The following TWSG1 variants were observed in gnomAD, a reference collection of about 807,000 sequenced individuals.
TWSG1 encodes twisted gastrulation protein homolog 1.
A neutral mutation model predicts 23.0 loss-of-function variants in TWSG1; 15 were observed. The observed-to-expected ratio is 0.65, with a 90% CI of 0.44 to 1.00. The LOEUF (loss-of-function observed/expected upper bound fraction) is 1.00. Among genes scored for constraint, TWSG1 ranks in the 50% least tolerant of loss-of-function variants. The probability of loss-of-function intolerance (pLI) is 0.00; values close to 1 mark genes in which losing one functional copy is unlikely to be tolerated. For missense variants in TWSG1, 242 were observed against 278.7 expected (o/e 0.87, Z 0.94); for synonymous variants, 86 against 92.8 (o/e 0.93, Z 0.42).
At position 9,396,289 on chromosome 18, in the gene TWSG1, A is replaced by G; in HGVS notation, c.233A>G (p.Asn78Ser). The G allele has an allele frequency of 6.2e-7, 1 of 1,614,090 alleles. No homozygotes were observed. Among genetic ancestry groups the G allele is most frequent in the Non-Finnish European group, 8.5e-7 (1 of 1,180,006 alleles). The change falls in exon 4 of 5, where the codon AAT becomes AGT. Residue 78 changes from asparagine (N) to serine (S), a missense_variant. Physicochemically the swap from Asn to Ser is conservative, Grantham distance 46. Transcript: ENST00000262120. Reference sequence around the variant, plus strand: ...ATTACCCCCAACCCAGGTATGTGTAATCCTCGAAATTATAGTGACACACCT... The same window carrying G: ...ATTACCCCCAACCCAGGTATGTGTAGTCCTCGAAATTATAGTGACACACCT... ...DECCDCVGMC[N>S]PRNYSDTPPT...
intron 3 of TWSG1, among the ~76,000 whole-genome samples, chr18:9,394,755 C>G (rs2040727087): frequency 6.6e-6 from 1 of 152,088 alleles, no homozygotes; most frequent in Non-Finnish European, 1.5e-5. Context: ...TCCCTACAGA[C>G]ACACACACAT....
chr18:9,359,880 A>T (rs2040544260), intron 2 of TWSG1, 92 bp from the exon 3 acceptor site: 5 of 883,812 alleles, frequency 5.7e-6, no homozygotes, highest in Non-Finnish European at 8.9e-6. Context: ...CATTACTGTA[A>T]ATGCAAATAT....
At chr18:9,372,089 A>G (rs2040608401) in intron 3 of TWSG1, among the ~76,000 whole-genome samples, 1 of 151,972 alleles carries the variant, frequency 6.6e-6, no homozygotes, top group South Asian at 2.1e-4. Context: ...TAATTGATCT[A>G]ACAGATGACA....
Position 9,370,697 on chromosome 18 carries a change from C to G in TWSG1, c.223+10626C>G, listed in dbSNP as rs773883840. ...AATTTATCCATTGGGTCAAATAGCACAGGACCTAATTCCAAAATTAACTCC... is the reference window on the plus strand; with the variant it reads ...AATTTATCCATTGGGTCAAATAGCAGAGGACCTAATTCCAAAATTAACTCC... On this transcript the variant is annotated intron_variant, in intron 3 of 4. Transcript: ENST00000262120. Among the ~76,000 whole-genome samples the G allele has an allele frequency of 1.6e-4, 24 of 152,298 alleles. No homozygotes were observed. In the Middle Eastern group the frequency reaches 0.01, roughly 65 times the overall value.
intron 3 of TWSG1, among the ~76,000 whole-genome samples, chr18:9,363,925 G>C (rs2040564926): frequency 6.6e-6 from 1 of 152,154 alleles, no homozygotes; most frequent in African/African-American, 2.4e-5. Flanking sequence ...ACCGCACCCG[G>C]CCATTTAACA....
intron 3 of TWSG1, among the ~76,000 whole-genome samples, chr18:9,384,009 TAA>T (rs1333381731): frequency 4.3e-4 from 66 of 152,322 alleles, no homozygotes; most frequent in Admixed American, 1.2e-3. Context: ...TGGAGTTTTC[TAA>T]AGAGAATAGA....
intron 3 of TWSG1, among the ~76,000 whole-genome samples, chr18:9,395,513 T>C (rs2040730625): frequency 6.6e-6 from 1 of 152,194 alleles, no homozygotes; most frequent in Admixed American, 6.5e-5. Flanking sequence ...CCTTCTCTTG[T>C]ATTTATTTAT....
chr18:9,376,230 T>G (rs2040629871), intron 3 of TWSG1, among the ~76,000 whole-genome samples: 1 of 152,218 alleles, frequency 6.6e-6, no homozygotes, highest in African/African-American at 2.4e-5. Flanking sequence ...ATCTATAGAT[T>G]TAATGCAATT....
intron 2 of TWSG1, among the ~76,000 whole-genome samples, chr18:9,342,814 C>T (rs2040451931): frequency 6.6e-6 from 1 of 152,174 alleles, no homozygotes; most frequent in Non-Finnish European, 1.5e-5. Flanking sequence ...CCTCAAGTAA[C>T]TTCCTAAGAA....
chr18:9,370,294 G>T (rs1035551431), intron 3 of TWSG1, among the ~76,000 whole-genome samples: 5 of 151,338 alleles, frequency 3.3e-5, no homozygotes, highest in Non-Finnish European at 7.4e-5. Flanking sequence ...CTCCAGCCTG[G>T]TGACAGAGTG....
At chr18:9,372,942 T>C (rs1041561365) in intron 3 of TWSG1, among the ~76,000 whole-genome samples, 1 of 152,204 alleles carries the variant, frequency 6.6e-6, no homozygotes, top group Non-Finnish European at 1.5e-5. Flanking sequence ...GTGGTCTAAA[T>C]GCACCAATTA....
intron 3 of TWSG1, among the ~76,000 whole-genome samples, chr18:9,389,892 T>C (rs1387198449): frequency 6.6e-6 from 1 of 152,204 alleles, no homozygotes; most frequent in African/African-American, 2.4e-5. Flanking sequence ...CCCAATAAAG[T>C]GAGTCACGCA....
intron 3 of TWSG1, among the ~76,000 whole-genome samples, chr18:9,386,847 A>G (rs1429434401): frequency 1.3e-5 from 2 of 152,230 alleles, no homozygotes; most frequent in Non-Finnish European, 2.9e-5. Context: ...TCTCATCAGT[A>G]TCACTGGGCC....
chr18:9,358,520 C>G (rs976881503), intron 2 of TWSG1, among the ~76,000 whole-genome samples: 6 of 152,264 alleles, frequency 3.9e-5, no homozygotes, highest in Admixed American at 3.9e-4. Context: ...TCAGGGCAGA[C>G]ATTCCAAACT....
intron 2 of TWSG1, among the ~76,000 whole-genome samples, chr18:9,338,005 G>GT (rs929859654): frequency 3.9e-5 from 6 of 152,194 alleles, no homozygotes; most frequent in African/African-American, 1.4e-4. Context: ...GGGGAGAAAA[G>GT]TAAGAGGAAG....
intron 2 of TWSG1, among the ~76,000 whole-genome samples, chr18:9,346,747 A>G (rs554625666): frequency 1.2e-3 from 184 of 152,318 alleles, no homozygotes; most frequent in African/African-American, 4.2e-3. Context: ...TGGATAACCA[A>G]GCGAGACCCT....
intron 3 of TWSG1, among the ~76,000 whole-genome samples, chr18:9,392,131 C>T (rs779501352): frequency 1.3e-5 from 2 of 152,194 alleles, no homozygotes; most frequent in South Asian, 2.1e-4. Context: ...ACCCCAACAA[C>T]GTAGCCTGTT....
In TWSG1 at chr18:9,402,056, A is replaced by T. The variant is rs1299091033; in HGVS notation, c.*2529A>T. On this transcript the variant is annotated 3_prime_UTR_variant, in exon 5 of 5. Transcript: ENST00000262120. ...CAATAGTGGTGCCAAATCAAATGGT[A>T]ATTTAAATAAAATCTATTCTGTGTT... 3 of 152,144 alleles carry T rather than the reference A, an allele frequency of 2.0e-5. No homozygotes were observed. Among genetic ancestry groups the T allele is most frequent in the African/African-American group, 7.2e-5 (3 of 41,448 alleles). 9.4% of individuals were successfully genotyped at this position (152,144 alleles called of 1,614,324 possible). A position where few individuals can be genotyped will look rare whatever the true frequency, so the allele number is the denominator to read the frequency against.
At chr18:9,398,882 G>A (rs1396924076) in intron 4 of TWSG1, among the ~76,000 whole-genome samples, 1 of 151,984 alleles carries the variant, frequency 6.6e-6, no homozygotes. Flanking sequence ...GGTGGTGCAT[G>A]CTTGTAATCC....
Sources: gnomAD v4.1 joint callset for allele counts (sites outside exome capture counted in the v4.1 genomes callset) on GRCh38, gnomAD v4.1.1 for gene constraint, MANE v1.5 for transcripts, NCBI Gene and HGNC (gene_info 2026-07-23, HGNC 2026-07-21) for gene names.